The following PLPPR1 variants were observed in gnomAD, a reference collection of about 807,000 sequenced individuals.
The protein encoded by PLPPR1 is phospholipid phosphatase-related protein type 1.
Under a neutral mutation model 33.1 loss-of-function variants are expected in PLPPR1, and 10 were observed. The observed-to-expected ratio is 0.30, with a 90% CI of 0.19 to 0.51. The LOEUF (loss-of-function observed/expected upper bound fraction) is 0.51. Ranked by LOEUF, PLPPR1 falls within the 20% of genes least tolerant of loss-of-function variation. The pLI is 0.97. For synonymous variants in PLPPR1, 151 were observed against 151.0 expected, an observed-to-expected ratio of 1.00 and a Z score of 0.00; for missense variants, 304 against 408.1, an observed-to-expected ratio of 0.74 and a Z score of 2.20.
intron 1 of PLPPR1, among the ~76,000 whole-genome samples, chr9:101,181,714 T>TTACTC (rs1554732898): frequency 7.1e-6 from 1 of 141,634 alleles, no homozygotes; most frequent in Non-Finnish European, 1.5e-5. Context: ...ACACACCAAA[T>TTACTC]TACTATTTGG....
chr9:101,095,018 G>A (rs1185098252), intron 1 of PLPPR1, among the ~76,000 whole-genome samples: 1 of 152,162 alleles, frequency 6.6e-6, no homozygotes, highest in East Asian at 1.9e-4. Context: ...CGATGGCCTT[G>A]CAGCTAATCT....
At chr9:101,281,199 T>A (rs1213442704) in intron 3 of PLPPR1, among the ~76,000 whole-genome samples, 1 of 151,938 alleles carries the variant, frequency 6.6e-6, no homozygotes, top group Non-Finnish European at 1.5e-5. Context: ...TACCTAGGAA[T>A]AAACTTAATC....
At chr9:101,113,078 C>T (rs768977269) in intron 1 of PLPPR1, among the ~76,000 whole-genome samples, 6 of 152,192 alleles carry the variant, frequency 3.9e-5, no homozygotes, top group Non-Finnish European at 5.9e-5. Context: ...GGACCCTCAA[C>T]CGTGGCTGTG....
chr9:101,239,633 G>A (rs114693707), intron 2 of PLPPR1, among the ~76,000 whole-genome samples: 2,233 of 151,970 alleles, frequency 0.015, 47 homozygotes, highest in African/African-American at 0.049. Context: ...ATAATTCATC[G>A]TGGTTATGAT....
intron 1 of PLPPR1, among the ~76,000 whole-genome samples, chr9:101,138,527 A>C (rs1831406424): frequency 1.3e-5 from 2 of 152,224 alleles, no homozygotes; most frequent in Non-Finnish European, 2.9e-5. Context: ...GATAGATAGG[A>C]CAACCTCCAT....
At chr9:101,170,834 G>A (rs555229451) in intron 1 of PLPPR1, among the ~76,000 whole-genome samples, 2 of 152,132 alleles carry the variant, frequency 1.3e-5, no homozygotes, top group Non-Finnish European at 2.9e-5. Flanking sequence ...CAGCTACTGG[G>A]GAGGCTGAGG....
chr9:101,238,901 C>A (rs778970507), intron 2 of PLPPR1, among the ~76,000 whole-genome samples: 2 of 151,686 alleles, frequency 1.3e-5, no homozygotes, highest in South Asian at 4.1e-4. Flanking sequence ...TTCCTTCTTA[C>A]CCTTCCAGCT....
chr9:101,241,491 C>A (rs1212192153), intron 2 of PLPPR1, among the ~76,000 whole-genome samples: 1 of 152,120 alleles, frequency 6.6e-6, no homozygotes, highest in African/African-American at 2.4e-5. Flanking sequence ...GGGCCACATT[C>A]AAAGCCGTCC....
chr9:101,252,803 A>G (rs1827735044), intron 2 of PLPPR1, among the ~76,000 whole-genome samples: 1 of 151,156 alleles, frequency 6.6e-6, no homozygotes, highest in African/African-American at 2.5e-5. Context: ...AATGCTTACC[A>G]TGTTTCCTAA....
At chr9:101,253,703 A>G (rs1284613849) in intron 2 of PLPPR1, among the ~76,000 whole-genome samples, 1 of 152,092 alleles carries the variant, frequency 6.6e-6, no homozygotes, top group Non-Finnish European at 1.5e-5. Flanking sequence ...AAAACCTTCT[A>G]AGTCTATAGG....
intron 2 of PLPPR1, chr9:101,187,390 T>C (rs931735988): frequency 7.3e-5 from 11 of 151,658 alleles, no homozygotes; most frequent in Non-Finnish European, 1.5e-4. Flanking sequence ...ACAAAGGAGA[T>C]AAATTAGTTC....
At chr9:101,253,651 G>C (rs559601915) in intron 2 of PLPPR1, among the ~76,000 whole-genome samples, 16 of 152,238 alleles carry the variant, frequency 1.1e-4, no homozygotes, top group African/African-American at 3.6e-4. Context: ...GAGAAAGGCA[G>C]TATTTTGGGT....
rs144622300 is a variant in PLPPR1 at position 101,283,028 on chromosome 9, G to T, written c.253-3076G>T. On this transcript the variant is annotated intron_variant, in intron 3 of 7. Coordinates refer to ENST00000374874, the MANE Select transcript of PLPPR1 (RefSeq NM_207299.2). ...AATGATACATTTTTTATAGTGATGG[G>T]ATCTCGCTCTGTTGACCAGGCTAGT... is the stretch of plus-strand genomic sequence containing the variant. 3.1e-3 allele frequency among the ~76,000 whole-genome samples: 476 copies of T among 152,110 alleles called. 2 individuals carry two copies. The highest frequency in any genetic ancestry group is 2.7e-3 in the Non-Finnish European group (184 of 67,984).
chr9:101,319,230 G>T (rs1829110046), intron 7 of PLPPR1, among the ~76,000 whole-genome samples: 1 of 152,184 alleles, frequency 6.6e-6, no homozygotes, highest in Non-Finnish European at 1.5e-5. Flanking sequence ...AGGCTGGAGT[G>T]CAGTGGCACA....
rs549334573 is a variant in PLPPR1 at position 101,180,502 on chromosome 9, T to G, written c.-45-4948T>G. ...TAACTTAAAAATCTATAAGCTATAATGAACGAAAACAACATGGTCCTGGCA... is the reference window on the plus strand; with the variant it reads ...TAACTTAAAAATCTATAAGCTATAAGGAACGAAAACAACATGGTCCTGGCA... On this transcript the variant is annotated intron_variant, in intron 1 of 7. Coordinates refer to ENST00000374874, the MANE Select transcript of PLPPR1 (RefSeq NM_207299.2). Among the ~76,000 whole-genome samples, 7 of 151,838 alleles carry G rather than the reference T, an allele frequency of 4.6e-5. 1 individual carries two copies. In the East Asian group the frequency reaches 1.4e-3, roughly 30 times the overall value.
chr9:101,206,561 G>C (rs544454677), intron 2 of PLPPR1, among the ~76,000 whole-genome samples: 1 of 152,222 alleles, frequency 6.6e-6, no homozygotes, highest in Non-Finnish European at 1.5e-5. Context: ...ACCCTCTCTT[G>C]ATCCACAGCA....
chr9:101,098,195 A>T (rs2118546984), intron 1 of PLPPR1, among the ~76,000 whole-genome samples: 1 of 152,280 alleles, frequency 6.6e-6, no homozygotes, highest in Admixed American at 6.5e-5. Context: ...GCCAGATGAT[A>T]AGGTCTTAAA....
At chr9:101,295,151 C>A (rs943296601) in intron 4 of PLPPR1, among the ~76,000 whole-genome samples, 2 of 151,640 alleles carry the variant, frequency 1.3e-5, no homozygotes, top group African/African-American at 4.8e-5. Flanking sequence ...TTCTTATACA[C>A]CAATAACAGA....
At chr9:101,220,660 C>T (rs1233329826) in intron 2 of PLPPR1, among the ~76,000 whole-genome samples, 1 of 152,196 alleles carries the variant, frequency 6.6e-6, no homozygotes, top group African/African-American at 2.4e-5. Context: ...TGTCATACAG[C>T]TTCATATTAC....
Sources: allele counts gnomAD v4.1 joint callset (sites outside exome capture counted in the v4.1 genomes callset), GRCh38; gene constraint gnomAD v4.1.1; transcripts MANE v1.5; gene names NCBI Gene and HGNC (gene_info 2026-07-23, HGNC 2026-07-21).